Variants in SEMA4G observed in about 807,000 individuals in gnomAD.
The protein encoded by SEMA4G is semaphorin-4G.
SEMA4G carries 59 observed loss-of-function variants against 81.2 expected under a neutral mutation model. That is an observed-to-expected ratio of 0.73 (90% CI 0.59 to 0.90). The LOEUF (loss-of-function observed/expected upper bound fraction) is 0.90. SEMA4G is among the 40% of genes least tolerant of loss of function. SEMA4G has a pLI of 0.00. For synonymous variants in SEMA4G, 404 were observed against 433.9 expected, an observed-to-expected ratio of 0.93 and a Z score of 0.86; for missense variants, 952 against 1,102.3, an observed-to-expected ratio of 0.86 and a Z score of 1.93.
In SEMA4G at chr10:100,973,494, G is replaced by A; in HGVS notation, c.274-53G>A. ...GTGGGGTCCTATTGCCTGGTCCTAT[G>A]AGTAATAGGTATTGGGGTCAGTGCA... On this transcript the variant is annotated intron_variant, in intron 2 of 13. Transcript: ENST00000370250. This position sits in a 1 kb window ranked among gnomAD's most constrained non-coding sequence, Gnocchi z 5.5. 6.4e-7 allele frequency: 1 copy of A among 1,564,808 alleles called. No homozygotes were observed. Among genetic ancestry groups the A allele is most frequent in the Non-Finnish European group, 8.8e-7 (1 of 1,136,568 alleles).
At chr10:100,975,091 G>A in intron 3 of SEMA4G, 1 of 518,868 alleles carries the variant, frequency 1.9e-6, no homozygotes, top group Non-Finnish European at 3.9e-6. Flanking sequence ...TAGAAAATGG[G>A]GCTGGGGAGG....
chr10:100,982,794 AAAAAC>A (rs1397756903), intron 13 of SEMA4G, among the ~76,000 whole-genome samples: 2 of 152,230 alleles, frequency 1.3e-5, no homozygotes, highest in Admixed American at 6.5e-5. Context: ...TCCGTCTCAA[AAAAAC>A]AAAACAAAAC....
At chr10:100,983,914 C>A (rs1334155427) in exon 14 of SEMA4G, 1 of 1,534,244 alleles carries the variant, frequency 6.5e-7, no homozygotes, top group South Asian at 1.2e-5. Context: ...GCCCCACCAC[C>A]CCCACCGCCC....
exon 14 of SEMA4G, chr10:100,984,634 C>A: frequency 6.5e-7 from 1 of 1,536,154 alleles, no homozygotes. Flanking sequence ...GAATGTTTAT[C>A]GGCTGGGCTG....
Position 100,984,121 on chromosome 10 carries a change from GCT to G in SEMA4G, c.2510_2511del (p.Ser837CysfsTer26). ...CAGCTCGTGGAGCAGCTAGATGAGA[GCT>G]CTGTCTGAGCCCAGCCTCCCAGAAC... On this transcript the variant is annotated frameshift_variant, in exon 14 of 14. Coordinates refer to ENST00000370250, the Ensembl canonical transcript of SEMA4G. LOFTEE classifies it high-confidence loss of function. 6.2e-7 allele frequency: 1 copy of G among 1,609,670 alleles called. No homozygotes were observed. Among genetic ancestry groups the G allele is most frequent in the Non-Finnish European group, 8.5e-7 (1 of 1,177,996 alleles).
At position 100,973,382 on chromosome 10, in the gene SEMA4G, C is replaced by A; in HGVS notation, c.273+105C>A. On this transcript the variant is annotated intron_variant, in intron 2 of 13. Transcript: ENST00000370250. This position sits in a 1 kb window ranked among gnomAD's most constrained non-coding sequence, Gnocchi z 5.5. ...TGCCAGCCTTCCATAGCCCCCTGGTCAGACAGCACTGCCCTTCCCAGCCCA... is the reference window on the plus strand; with the variant it reads ...TGCCAGCCTTCCATAGCCCCCTGGTAAGACAGCACTGCCCTTCCCAGCCCA... The A allele has an allele frequency of 6.8e-7, 1 of 1,468,826 alleles. No homozygotes were observed. Among genetic ancestry groups the A allele is most frequent in the South Asian group, 1.2e-5 (1 of 81,292 alleles). 91.0% of individuals were successfully genotyped at this position (1,468,826 alleles called of 1,614,324 possible).
chr10:100,982,487 CAGTT>C (rs1387919835), intron 13 of SEMA4G, among the ~76,000 whole-genome samples: 22 of 152,286 alleles, frequency 1.4e-4, no homozygotes, highest in African/African-American at 4.8e-4. Flanking sequence ...ATCTTAGTGA[CAGTT>C]AGATACAAAC....
At chr10:100,976,298 C>T (rs915012651) in intron 3 of SEMA4G, among the ~76,000 whole-genome samples, 4 of 152,142 alleles carry the variant, frequency 2.6e-5, no homozygotes, top group African/African-American at 9.7e-5. Context: ...TCCCATCACA[C>T]AGGGCTAGGA....
Position 100,983,740 on chromosome 10 carries a change from G to A in SEMA4G, c.2126G>A (p.Arg709Gln), listed in dbSNP as rs527848892. The change falls in exon 14 of 14, where the codon CGA becomes CAA. Residue 709 changes from arginine to glutamine, a missense_variant. Arg to Gln is a conservative substitution (Grantham distance 43, BLOSUM62 1). This residue lies in a region of SEMA4G where 385 missense variants were observed against 413.5 expected (regional missense o/e 0.93). Coordinates refer to ENST00000370250, the Ensembl canonical transcript of SEMA4G. Reference sequence around the variant, plus strand: ...CTGCGGGAAGGCAGACGAGGGCGCCGACGGAAATACTCACTGGGTCGGGCC... The same window carrying A: ...CTGCGGGAAGGCAGACGAGGGCGCCAACGGAAATACTCACTGGGTCGGGCC... 1.1e-5 allele frequency: 17 copies of A among 1,613,008 alleles called. No homozygotes were observed. Among genetic ancestry groups the A allele is most frequent in the South Asian group, 3.3e-5 (3 of 90,794 alleles).
chr10:100,973,445 C>A lies in SEMA4G; in HGVS notation c.274-102C>A. On this transcript the variant is annotated intron_variant, in intron 2 of 13. Coordinates refer to ENST00000370250, the Ensembl canonical transcript of SEMA4G. The surrounding 1 kb of genome is among the most constrained non-coding windows in gnomAD (Gnocchi z 5.5). The stretch of plus-strand genomic sequence containing the variant: ...ATTCAGTGTTCCTCCTGAAATTGAT[C>A]CCCACCCCAATTTCCCCAACTCTGT... 1 of 1,419,518 alleles carries A rather than the reference C, an allele frequency of 7.0e-7. No homozygotes were observed. The highest frequency in any genetic ancestry group is 1.9e-5 in the Admixed American group (1 of 53,924). 87.9% of individuals were successfully genotyped at this position (1,419,518 alleles called of 1,614,324 possible). A position where few individuals can be genotyped will look rare whatever the true frequency, so the allele number is the denominator to read the frequency against.
intron 9 of SEMA4G, 33 bp from the exon 11 acceptor site, chr10:100,980,089 C>A (rs754063919): frequency 1.2e-6 from 2 of 1,611,692 alleles, no homozygotes; most frequent in East Asian, 2.2e-5. Flanking sequence ...GTGGTGGAGT[C>A]CCGAGGTTCA....
At chr10:100,971,115 C>T (rs968686352), upstream of SEMA4G, among the ~76,000 whole-genome samples, 3 of 53,890 alleles carry the variant, frequency 5.6e-5, no homozygotes, top group Non-Finnish European at 8.0e-5. Context: ...TCCTTGTGAA[C>T]ATGTGTGTGT....
rs376367113 is a variant in SEMA4G at position 100,973,957 on chromosome 10, G to C, written c.336+348G>C. On this transcript the variant is annotated intron_variant, in intron 3 of 13. Transcript: ENST00000370250. This position sits in a 1 kb window ranked among gnomAD's most constrained non-coding sequence, Gnocchi z 5.5. ...CGCCCAGCTAAGTGTTTTATTTTTTGTAGAAACAGGGTCTTGCTATGTTGC... is the reference window on the plus strand; with the variant it reads ...CGCCCAGCTAAGTGTTTTATTTTTTCTAGAAACAGGGTCTTGCTATGTTGC... 1.1e-4 allele frequency among the ~76,000 whole-genome samples: 16 copies of C among 145,314 alleles called. No individual in the cohort carries two copies. The highest frequency in any genetic ancestry group is 3.6e-3 in the Middle Eastern group (1 of 278).
rs148254534 is a variant in SEMA4G, at chr10:100,980,799, C to G, written c.1468-23C>G. 1,699 of 1,545,990 alleles carry G rather than the reference C, an allele frequency of 1.1e-3. 13 individuals carry two copies. In the South Asian group the frequency reaches 0.012, roughly 11 times the overall value. ...CTGTATGAGTGGGGACGCTGCCGAC[C>G]AACTGTCCTATCTGGCTCCCAGCAC... On this transcript the variant is annotated intron_variant, in intron 11 of 13. Coordinates refer to ENST00000370250, the Ensembl canonical transcript of SEMA4G.
chr10:100,979,494 T>C (rs562958096), intron 8 of SEMA4G: 2 of 1,240,514 alleles, frequency 1.6e-6, no homozygotes, highest in South Asian at 3.1e-5. Context: ...GTGATTATCC[T>C]GCCTCGGCCT....
chr10:100,979,028 G>A lies in SEMA4G; in HGVS notation c.813+10G>A. The A allele has an allele frequency of 2.5e-6, 4 of 1,613,716 alleles. No individual in the cohort carries two copies. The highest frequency in any genetic ancestry group is 3.4e-6 in the Non-Finnish European group (4 of 1,179,696). On this transcript the variant is annotated intron_variant, in intron 7 of 13. Coordinates refer to ENST00000370250, the Ensembl canonical transcript of SEMA4G. ...GGCTCGTGTCTGCAAGGTGGATTGGGCTGACGTTGGGGCACGGGTATAGAG... is the reference window on the plus strand; with the variant it reads ...GGCTCGTGTCTGCAAGGTGGATTGGACTGACGTTGGGGCACGGGTATAGAG...
At position 100,979,910 on chromosome 10, in the gene SEMA4G, C is replaced by T. The variant is rs1399753855; in HGVS notation, c.1046C>T (p.Ala349Val). 1.9e-6 allele frequency: 3 copies of T among 1,614,126 alleles called. No homozygotes were observed. The South Asian group carries it at 3.3e-5, about 18-fold the overall frequency. Residue 349 changes from alanine to valine, a missense_variant, in exon 9 of 14, where the codon GCA (alanine) becomes GTA (valine). Physicochemically the swap from Ala to Val is moderately conservative, Grantham distance 64 (BLOSUM62 0). Around this residue, in one of 3 missense-constraint regions of SEMA4G, gnomAD observed 436 missense variants for 488.2 expected, o/e 0.89. Transcript: ENST00000370250. ...CTGGCAGAGATCCAGGCTGTCTTTGCAGGACCCTATATGGAATACCAGGAT... is the reference window on the plus strand; with the variant it reads ...CTGGCAGAGATCCAGGCTGTCTTTGTAGGACCCTATATGGAATACCAGGAT...
exon 14 of SEMA4G, chr10:100,984,435 A>T (rs1851318174): frequency 6.7e-7 from 1 of 1,493,930 alleles, no homozygotes; most frequent in African/African-American, 1.4e-5. Flanking sequence ...CTTATAGGTG[A>T]GGACTCCATC....
chr10:100,971,584 C>CA (rs1381301868), upstream of SEMA4G, among the ~76,000 whole-genome samples: 8 of 152,156 alleles, frequency 5.3e-5, no homozygotes, highest in Non-Finnish European at 1.0e-4. Context: ...GAGGAGGCAC[C>CA]AGTGGCACCC....
Sources: allele counts gnomAD v4.1 joint callset (sites outside exome capture counted in the v4.1 genomes callset), GRCh38; gene constraint gnomAD v4.1.1; regional missense constraint gnomAD v4.1.1; non-coding constraint Gnocchi (gnomAD v3.1); transcripts MANE v1.5; gene names NCBI Gene and HGNC (gene_info 2026-07-23, HGNC 2026-07-21).